The following MPRIP variants were observed in gnomAD, a reference collection of about 807,000 sequenced individuals.
MPRIP encodes the protein myosin phosphatase Rho-interacting protein.
A neutral mutation model predicts 234.9 loss-of-function variants in MPRIP; 59 were observed. The observed-to-expected ratio is 0.25, with a 90% confidence interval of 0.20 to 0.31. The LOEUF is 0.31. Ranked by LOEUF, MPRIP falls within the 10% of genes least tolerant of loss-of-function variation. The pLI is 1.00. For synonymous variants in MPRIP, 1,144 were observed against 1,263.9 expected (o/e 0.91, Z 2.01); for missense variants, 2,436 against 3,071.0 (o/e 0.79, Z 4.89).
Position 17,187,496 on chromosome 17 carries a change from G to T in MPRIP, c.*2602G>T, listed in dbSNP as rs2046498953. 1 of 152,256 alleles carries T rather than the reference G, an allele frequency of 6.6e-6. No homozygotes were observed. Among genetic ancestry groups the T allele is most frequent in the South Asian group, 2.1e-4 (1 of 4,830 alleles). The allele number at this position is 152,256 out of a possible 1,614,324, so 9.4% of individuals were successfully genotyped here. ...AGGAAGTCTGGGTTCCCTGCTGGTG[G>T]GCTCCATCCTGCGATGGAGTGAACC... On this transcript the variant is annotated 3_prime_UTR_variant, in exon 24 of 24. Transcript: ENST00000651222.
intron 3 of MPRIP, among the ~76,000 whole-genome samples, chr17:17,097,526 C>T (rs1221720291): frequency 6.6e-6 from 1 of 152,168 alleles, no homozygotes; most frequent in Non-Finnish European, 1.5e-5. Flanking sequence ...TCTCACAATT[C>T]CTTTCCTATC....
At position 17,165,296 on chromosome 17, in the gene MPRIP, A is replaced by T; in HGVS notation, c.3705A>T (p.Glu1235Asp). Reference protein sequence around the residue: ...KDMEEPRSTPEETERDGTLLP... With the variant: ...KDMEEPRSTPDETERDGTLLP... ...TGGAAGAGCCACGGAGTACCCCTGA[A>T]GAGACAGAAAGGGATGGCACTTTGC... Residue 1235 changes from glutamate (E) to aspartate (D), a missense_variant, in exon 16 of 24, where the codon GAA becomes GAT. Transcript: ENST00000651222. 1 of 1,304,080 alleles carries T rather than the reference A, an allele frequency of 7.7e-7. No individual in the cohort carries two copies. The highest frequency in any genetic ancestry group is 1.0e-6 in the Non-Finnish European group (1 of 988,966). 80.8% of individuals were successfully genotyped at this position (1,304,080 alleles called of 1,614,324 possible). A position where few individuals can be genotyped will look rare whatever the true frequency, so the allele number is the denominator to read the frequency against.
intron 3 of MPRIP, among the ~76,000 whole-genome samples, chr17:17,098,924 A>C (rs2089905169): frequency 3.3e-5 from 5 of 152,176 alleles, no homozygotes; most frequent in African/African-American, 7.2e-5. Flanking sequence ...GCTCTGTATA[A>C]AGAGACAAGC....
chr17:17,166,014 G>T lies in MPRIP; in HGVS notation c.4423G>T (p.Ala1475Ser), dbSNP rs1262025049. 7.7e-7 allele frequency: 1 copy of T among 1,304,190 alleles called. No homozygotes were observed. Among genetic ancestry groups the T allele is most frequent in the South Asian group, 1.2e-5 (1 of 80,984 alleles). 80.8% of individuals were successfully genotyped at this position (1,304,190 alleles called of 1,614,324 possible). A position where few individuals can be genotyped will look rare whatever the true frequency, so the allele number is the denominator to read the frequency against. The change falls in exon 16 of 24, where the codon GCC becomes TCC. Residue 1475 changes from alanine (A) to serine (S), a missense_variant. Ala to Ser is a moderately conservative substitution (Grantham distance 99, BLOSUM62 1). Transcript: ENST00000651222. The surrounding 1 kb of genome is among the most constrained non-coding windows in gnomAD (Gnocchi z 4.4). ...LGDFQVKNSQ[A>S]LMCLENCREQ... ...GGACTTCCAGGTCAAGAATAGTCAG[G>T]CCCTGATGTGCCTGGAAAATTGCCG... is the stretch of plus-strand genomic sequence containing the variant.
intron 3 of MPRIP, among the ~76,000 whole-genome samples, chr17:17,106,978 C>A (rs2090074762): frequency 6.6e-6 from 1 of 152,144 alleles, no homozygotes; most frequent in Non-Finnish European, 1.5e-5. Flanking sequence ...GATCTCAGTT[C>A]TTAATAATTA....
At chr17:17,162,196 T>A (rs915183005) in intron 15 of MPRIP, among the ~76,000 whole-genome samples, 2 of 152,206 alleles carry the variant, frequency 1.3e-5, no homozygotes, top group Admixed American at 1.3e-4. Flanking sequence ...GTTCAAGACT[T>A]GGCCCTGCTA....
intron 14 of MPRIP, among the ~76,000 whole-genome samples, chr17:17,160,916 C>T (rs1436796569): frequency 2.0e-5 from 3 of 152,326 alleles, no homozygotes; most frequent in South Asian, 4.1e-4. Context: ...CCGTATGGGC[C>T]TTGGCACCTA....
intron 3 of MPRIP, among the ~76,000 whole-genome samples, chr17:17,089,082 A>G (rs369253628): frequency 1.3e-5 from 2 of 152,358 alleles, no homozygotes; most frequent in South Asian, 2.1e-4. Flanking sequence ...ATCGAACTCC[A>G]GGGTGGCTTC....
intron 1 of MPRIP, among the ~76,000 whole-genome samples, chr17:17,053,331 A>G (rs1323188888): frequency 1.3e-5 from 2 of 152,240 alleles, no homozygotes; most frequent in East Asian, 3.9e-4. Context: ...CTGGGGGGTT[A>G]TAATAATAGT....
At chr17:17,069,779 C>T (rs144942920) in intron 1 of MPRIP, among the ~76,000 whole-genome samples, 6 of 152,220 alleles carry the variant, frequency 3.9e-5, no homozygotes, top group South Asian at 2.1e-4. Flanking sequence ...GCTTTAGTCA[C>T]GAAACAGAAA....
chr17:17,123,810 A>G (rs1030686380), intron 3 of MPRIP, among the ~76,000 whole-genome samples: 2 of 151,824 alleles, frequency 1.3e-5, no homozygotes, highest in African/African-American at 2.4e-5. Flanking sequence ...TCCCTCCTCC[A>G]TGGAAATAGA....
chr17:17,110,617 G>A (rs2090150425), intron 3 of MPRIP, among the ~76,000 whole-genome samples: 1 of 152,184 alleles, frequency 6.6e-6, no homozygotes, highest in African/African-American at 2.4e-5. Flanking sequence ...CCCCAGCCAG[G>A]CACTTAAGGT....
chr17:17,150,073 C>A (rs902015769), intron 11 of MPRIP, 71 bp from the exon 12 acceptor site: 2 of 1,110,030 alleles, frequency 1.8e-6, no homozygotes, highest in African/African-American at 1.5e-5. Context: ...AAATCACTTA[C>A]GGAAATTTGC....
chr17:17,096,851 G>A (rs2089858490), intron 3 of MPRIP: 1 of 469,128 alleles, frequency 2.1e-6, no homozygotes, highest in East Asian at 6.9e-5. Context: ...CTTGCTGTGT[G>A]CCTCAGAGGG....
In MPRIP at chr17:17,078,221, G is replaced by T; in HGVS notation, c.267+145G>T. 2 of 829,628 alleles carry T rather than the reference G, an allele frequency of 2.4e-6. No homozygotes were observed. The highest frequency in any genetic ancestry group is 3.9e-6 in the Non-Finnish European group (2 of 517,516). The allele number at this position is 829,628 out of a possible 1,614,324, so 51.4% of individuals were successfully genotyped here. On this transcript the variant is annotated intron_variant, in intron 3 of 23. Transcript: ENST00000651222. This position sits in a 1 kb window ranked among gnomAD's most constrained non-coding sequence, Gnocchi z 4.3. The stretch of plus-strand genomic sequence containing the variant: ...GAGTGTGGAATGTTTTGAAGAACTT[G>T]TGGCACCTGCTGGAGACAGCTTTAA...
intron 3 of MPRIP, among the ~76,000 whole-genome samples, chr17:17,089,843 G>A (rs1327901620): frequency 6.6e-6 from 1 of 152,196 alleles, no homozygotes; most frequent in Non-Finnish European, 1.5e-5. Flanking sequence ...AAAGGACCTG[G>A]AAGAGCCAGC....
intron 6 of MPRIP, among the ~76,000 whole-genome samples, chr17:17,137,444 G>A (rs1352777407): frequency 6.6e-6 from 1 of 151,032 alleles, no homozygotes; most frequent in Non-Finnish European, 1.5e-5. Flanking sequence ...AGCCCAGGAG[G>A]CAGAGGTTGC....
chr17:17,044,074 G>A (rs1567676608), intron 1 of MPRIP, among the ~76,000 whole-genome samples: 2 of 152,190 alleles, frequency 1.3e-5, no homozygotes, highest in African/African-American at 4.8e-5. Flanking sequence ...CTGGAGTAGG[G>A]TGGTGGGGCA....
intron 1 of MPRIP, among the ~76,000 whole-genome samples, chr17:17,062,346 T>G (rs1488882359): frequency 6.6e-6 from 1 of 152,202 alleles, no homozygotes; most frequent in African/African-American, 2.4e-5. Context: ...GTAGTGGCAT[T>G]TACATTACAA....
Sources: gnomAD v4.1 joint callset for allele counts (sites outside exome capture counted in the v4.1 genomes callset) on GRCh38, gnomAD v4.1.1 for gene constraint, Gnocchi (gnomAD v3.1) non-coding constraint, MANE v1.5 for transcripts, NCBI Gene and HGNC (gene_info 2026-07-23, HGNC 2026-07-21) for gene names.